Variants in LTBP1 observed in about 807,000 individuals in gnomAD.
LTBP1 encodes latent transforming growth factor beta binding protein 1.
Under a neutral mutation model 207.6 loss-of-function variants are expected in LTBP1, and 129 were observed. That is an observed-to-expected ratio of 0.62 (90% CI 0.54 to 0.72). LTBP1 has a LOEUF of 0.72. Ranked by LOEUF, LTBP1 falls within the 30% of genes least tolerant of loss-of-function variation. The pLI is 0.00. For synonymous variants in LTBP1, 963 were observed against 833.7 expected (o/e 1.16, Z -2.67); for missense variants, 2,281 against 2,217.2 (o/e 1.03, Z -0.58).
intron 22 of LTBP1, among the ~76,000 whole-genome samples, chr2:33,306,321 G>C (rs1161829158): frequency 6.6e-6 from 1 of 152,160 alleles, no homozygotes; most frequent in Non-Finnish European, 1.5e-5. Context: ...TGTAATCCCA[G>C]CACTTTGGGA....
At chr2:33,110,916 GT>G (rs1158589014) in intron 4 of LTBP1, among the ~76,000 whole-genome samples, 165 bp downstream of exon 4, 6 of 152,122 alleles carry the variant, frequency 3.9e-5, no homozygotes, top group Admixed American at 6.5e-5. Flanking sequence ...ATTTAGCATG[GT>G]TTCCTTATTC....
At chr2:33,190,313 C>T (rs1284189745) in intron 7 of LTBP1, among the ~76,000 whole-genome samples, 3 of 151,878 alleles carry the variant, frequency 2.0e-5, no homozygotes, top group Non-Finnish European at 2.9e-5. Flanking sequence ...TATTCCTCTG[C>T]GATGTCTTGA....
intron 26 of LTBP1, among the ~76,000 whole-genome samples, chr2:33,352,428 CTCTG>C (rs1242467294): frequency 6.6e-6 from 1 of 152,158 alleles, no homozygotes; most frequent in African/African-American, 2.4e-5. Context: ...CTGCACCCAA[CTCTG>C]TCTATTTATT....
At chr2:33,131,312 A>G (rs1190800975) in intron 4 of LTBP1, among the ~76,000 whole-genome samples, 2 of 152,214 alleles carry the variant, frequency 1.3e-5, no homozygotes, top group East Asian at 1.9e-4. Context: ...GTGAATTCCT[A>G]CTAAATTCTT....
chr2:33,289,435 C>A (rs1454059261), intron 19 of LTBP1, among the ~76,000 whole-genome samples: 2 of 152,140 alleles, frequency 1.3e-5, no homozygotes, highest in African/African-American at 4.8e-5. Context: ...TCACAGCTCA[C>A]TGCAGTCTCT....
At chr2:33,192,105 C>T (rs994131390) in intron 7 of LTBP1, among the ~76,000 whole-genome samples, 1 of 152,086 alleles carries the variant, frequency 6.6e-6, no homozygotes, top group African/African-American at 2.4e-5. Context: ...GAGAACAGTA[C>T]AAGAAATGGG....
rs2088744200 is a variant in LTBP1 at position 33,197,811 on chromosome 2, T to C, written c.1701+8960T>C. On this transcript the variant is annotated intron_variant, in intron 7 of 33. Transcript: ENST00000404816. Reference sequence around the variant, plus strand: ...ATGCTGAACCTGCCCACTGCCTCGTTGCACAAGCCTGTGCTCTTTGTTGAA... The same window carrying C: ...ATGCTGAACCTGCCCACTGCCTCGTCGCACAAGCCTGTGCTCTTTGTTGAA... Among the ~76,000 whole-genome samples, 4 of 152,332 alleles carry C rather than the reference T, an allele frequency of 2.6e-5. No individual in the cohort carries two copies. In the South Asian group the frequency reaches 8.3e-4, roughly 32 times the overall value.
intron 5 of LTBP1, among the ~76,000 whole-genome samples, chr2:33,171,240 C>A (rs370318535): frequency 0.11 from 8,383 of 74,160 alleles, 846 homozygotes; most frequent in Admixed American, 0.13. Flanking sequence ...AACCAAAGGC[C>A]AAGAAGTTGA....
At position 33,188,723 on chromosome 2, in the gene LTBP1, G is replaced by A. The variant is rs1197594236; in HGVS notation, c.1573G>A (p.Gly525Arg). The change falls in exon 7 of 34, where the codon GGG becomes AGG. Residue 525 changes from glycine to arginine, a missense_variant. Around this residue, in one of 3 missense-constraint regions of LTBP1, gnomAD observed 1,671 missense variants for 1,634.8 expected, o/e 1.02. Coordinates refer to ENST00000404816, the MANE Select transcript of LTBP1 (RefSeq NM_206943.4). ...QPGQSQVSYQ[G>R]LPVQKTQTIH... Reference sequence around the variant, plus strand: ...AGGCCAATCCCAAGTCTCGTACCAAGGGCTTCCTGTCCAGAAGACCCAGAC... The same window carrying A: ...AGGCCAATCCCAAGTCTCGTACCAAAGGCTTCCTGTCCAGAAGACCCAGAC... The A allele has an allele frequency of 6.2e-7, 1 of 1,614,074 alleles. No individual in the cohort carries two copies. Among genetic ancestry groups the A allele is most frequent in the Admixed American group, 1.7e-5 (1 of 60,008 alleles).
At chr2:33,356,256 T>C (rs12475679) in intron 26 of LTBP1, among the ~76,000 whole-genome samples, 73 of 152,240 alleles carry the variant, frequency 4.8e-4, no homozygotes, top group Non-Finnish European at 6.8e-4. Context: ...GAATCAGGGG[T>C]CAGCATCTGG....
chr2:33,257,554 G>C lies in LTBP1; in HGVS notation c.2395+43G>C, dbSNP rs765089288. ...TCATGGACTCTAGACATCTATCTGT[G>C]TGTCTTTGCTTTGATTTCCCTGTTT... On this transcript the variant is annotated intron_variant, in intron 12 of 33. Coordinates refer to ENST00000404816, the MANE Select transcript of LTBP1 (RefSeq NM_206943.4). 3 of 1,508,878 alleles carry C rather than the reference G, an allele frequency of 2.0e-6. No homozygotes were observed. The Admixed American group carries it at 5.2e-5, about 26-fold the overall frequency. The allele number at this position is 1,508,878 out of a possible 1,614,324, so 93.5% of individuals were successfully genotyped here. A position where few individuals can be genotyped will look rare whatever the true frequency, so the allele number is the denominator to read the frequency against.
At chr2:33,254,112 G>C (rs773095037) in intron 11 of LTBP1, among the ~76,000 whole-genome samples, 1 of 151,722 alleles carries the variant, frequency 6.6e-6, no homozygotes, top group Non-Finnish European at 1.5e-5. Flanking sequence ...TTGATCTCCT[G>C]ACCTCGTGGT....
rs796628847 is a variant in LTBP1 at position 33,313,675 on chromosome 2, T to A, written c.3605-1469T>A. Among the ~76,000 whole-genome samples the A allele has an allele frequency of 6.8e-4, 103 of 152,310 alleles. 2 individuals are homozygous for A. The highest frequency in any genetic ancestry group is 2.4e-3 in the African/African-American group (101 of 41,574). ...CTGCTGCTAAGGACATGGGATCATTTTTATGACCCCCAATTAACTAAAAGA... is the reference window on the plus strand; with the variant it reads ...CTGCTGCTAAGGACATGGGATCATTATTATGACCCCCAATTAACTAAAAGA... On this transcript the variant is annotated intron_variant, in intron 23 of 33. Transcript: ENST00000404816.
chr2:33,358,418 G>A (rs3769552), intron 26 of LTBP1, among the ~76,000 whole-genome samples: 46,149 of 151,170 alleles, frequency 0.31, 7,314 homozygotes, highest in African/African-American at 0.39. Flanking sequence ...TGTTTAAAAT[G>A]CATAAAATTA....
At chr2:33,267,817 A>T (rs1298709178) in intron 15 of LTBP1, among the ~76,000 whole-genome samples, 1 of 152,236 alleles carries the variant, frequency 6.6e-6, no homozygotes, top group African/African-American at 2.4e-5. Flanking sequence ...GTGAAGGGTA[A>T]CAAATTGAAG....
At chr2:32,993,426 C>T (rs1684738462) in intron 2 of LTBP1, among the ~76,000 whole-genome samples, 1 of 152,172 alleles carries the variant, frequency 6.6e-6, no homozygotes, top group Admixed American at 6.5e-5. Context: ...CACACACTCT[C>T]TCTCTCTCAT....
intron 26 of LTBP1, among the ~76,000 whole-genome samples, chr2:33,358,671 T>G (rs979927402): frequency 2.6e-5 from 4 of 152,160 alleles, no homozygotes; most frequent in African/African-American, 9.7e-5. Context: ...ACCCTGTTGC[T>G]TTTTTGATTT....
At position 32,986,643 on chromosome 2, in the gene LTBP1, A is replaced by G. The variant is rs2148800360; in HGVS notation, c.566-34266A>G. Among the ~76,000 whole-genome samples, 2 of 152,284 alleles carry G rather than the reference A, an allele frequency of 1.3e-5. 1 individual carries two copies. The highest frequency in any genetic ancestry group is 4.2e-4 in the South Asian group (2 of 4,818). On this transcript the variant is annotated intron_variant, in intron 2 of 33. Coordinates refer to ENST00000404816, the MANE Select transcript of LTBP1 (RefSeq NM_206943.4). ...GTTAAATCAAGCACAGGGCCCTTCT[A>G]AGCACAGCACCTGTGGGACTGCACA...
intron 13 of LTBP1, 152 bp downstream of exon 13, chr2:33,259,762 A>T: frequency 1.7e-6 from 1 of 597,804 alleles, no homozygotes. Context: ...TATTCCAAAA[A>T]AATTTATTGA....
Sources: gnomAD v4.1 joint callset for allele counts (sites outside exome capture counted in the v4.1 genomes callset) on GRCh38, gnomAD v4.1.1 for gene constraint, gnomAD v4.1.1 regional missense constraint, MANE v1.5 for transcripts, NCBI Gene and HGNC (gene_info 2026-07-23, HGNC 2026-07-21) for gene names.